BRAF: variants seen among roughly 807,000 people sequenced by gnomAD.
The protein encoded by BRAF is B-Raf proto-oncogene, serine/threonine kinase, also known as serine/threonine-protein kinase B-raf.
A neutral mutation model predicts 104.6 loss-of-function variants in BRAF; 16 were observed. The observed-to-expected ratio is 0.15, with a 90% CI of 0.10 to 0.23. The LOEUF is 0.23. BRAF is among the 10% of genes least tolerant of loss of function. The pLI is 1.00. For synonymous variants in BRAF, 310 were observed against 341.6 expected (o/e 0.91, Z 1.02); for missense variants, 541 against 937.3 (o/e 0.58, Z 5.52).
chr7:140,849,707 G>A (rs1477084263), intron 2 of BRAF, among the ~76,000 whole-genome samples: 1 of 152,136 alleles, frequency 6.6e-6, no homozygotes, highest in Non-Finnish European at 1.5e-5. Context: ...AGCTGCTCAG[G>A]AGGCTGAGGC....
At chr7:140,885,327 T>G (rs569755669) in intron 1 of BRAF, among the ~76,000 whole-genome samples, 1 of 150,344 alleles carries the variant, frequency 6.7e-6, no homozygotes, top group Non-Finnish European at 1.5e-5. Context: ...AAAAAAAAAA[T>G]TTTTTTTTTG....
chr7:140,816,064 TAC>T (rs1245942308), intron 3 of BRAF, among the ~76,000 whole-genome samples: 3 of 152,214 alleles, frequency 2.0e-5, no homozygotes, highest in African/African-American at 4.8e-5. Context: ...TGGCAAAGAA[TAC>T]AGTTTATTAG....
chr7:140,722,142 A>G lies in BRAF; in HGVS notation c.*4352T>C. 1.9e-6 allele frequency: 2 copies of G among 1,066,710 alleles called. No individual in the cohort carries two copies. Among genetic ancestry groups the G allele is most frequent in the Non-Finnish European group, 2.3e-6 (2 of 880,492 alleles). The allele number at this position is 1,066,710 out of a possible 1,614,324, so 66.1% of individuals were successfully genotyped here. A position where few individuals can be genotyped will look rare whatever the true frequency, so the allele number is the denominator to read the frequency against. On this transcript the variant is annotated 3_prime_UTR_variant, in exon 20 of 20. Transcript: ENST00000644969. ...TGGGAGTAGAAAAAGTTTCTCTAGA[A>G]ATGTCACTGAACTATATTTGCAACC...
rs1255101216 is a variant in BRAF at position 140,753,315 on chromosome 7, G to A, written c.1940C>T (p.Ser647Phe). Residue 647 changes from serine (S) to phenylalanine (F), a missense_variant, in exon 16 of 20, where the codon TCC becomes TTC. This residue lies in a region of BRAF where 129 missense variants were observed against 285.8 expected (regional missense o/e 0.45). Coordinates refer to ENST00000644969, the MANE Select transcript of BRAF (RefSeq NM_001374258.1). Reference protein sequence around the residue: ...LATVKSRWSGSHQFEQLSGSI... With the variant: ...LATVKSRWSGFHQFEQLSGSI... ...TCCAGACAACTGTTCAAACTGATGGGACCCACTCCATCGAGATTTCACTGT... is the reference window on the plus strand; with the variant it reads ...TCCAGACAACTGTTCAAACTGATGGAACCCACTCCATCGAGATTTCACTGT... 1 of 1,612,616 alleles carries A rather than the reference G, an allele frequency of 6.2e-7. No homozygotes were observed. The highest frequency in any genetic ancestry group is 8.5e-7 in the Non-Finnish European group (1 of 1,178,984).
chr7:140,730,261 T>C (rs567383547), intron 19 of BRAF, among the ~76,000 whole-genome samples: 2 of 152,144 alleles, frequency 1.3e-5, no homozygotes, highest in South Asian at 4.2e-4. Context: ...AGATACTCTA[T>C]GTCTTAAAAA....
chr7:140,862,305 T>C (rs1192667627), intron 1 of BRAF, among the ~76,000 whole-genome samples: 2 of 151,820 alleles, frequency 1.3e-5, no homozygotes, highest in East Asian at 1.9e-4. Context: ...CACAAAGAAA[T>C]GTCCCAGAAG....
At chr7:140,766,130 G>C (rs368069759) in intron 14 of BRAF, among the ~76,000 whole-genome samples, 1 of 152,178 alleles carries the variant, frequency 6.6e-6, no homozygotes, top group East Asian at 1.9e-4. Flanking sequence ...ATGAGTTCAT[G>C]TCCTTTGTAG....
chr7:140,919,011 C>T (rs991710679), intron 1 of BRAF, among the ~76,000 whole-genome samples: 2 of 151,884 alleles, frequency 1.3e-5, no homozygotes, highest in African/African-American at 2.4e-5. Flanking sequence ...TGGTGGCAGG[C>T]GCCTGTAGTC....
chr7:140,816,125 A>G, intron 3 of BRAF, among the ~76,000 whole-genome samples: 1 of 152,246 alleles, frequency 6.6e-6, no homozygotes, highest in Middle Eastern at 3.2e-3. Context: ...AAATTTAAAC[A>G]CAGTAATTTA....
At chr7:140,898,657 C>T (rs1815237181) in intron 1 of BRAF, among the ~76,000 whole-genome samples, 1 of 152,136 alleles carries the variant, frequency 6.6e-6, no homozygotes, top group Non-Finnish European at 1.5e-5. Flanking sequence ...AATAGCATTG[C>T]CAATTATCTT....
chr7:140,900,841 C>T (rs1225545730), intron 1 of BRAF, among the ~76,000 whole-genome samples: 2 of 152,190 alleles, frequency 1.3e-5, no homozygotes, highest in Non-Finnish European at 2.9e-5. Context: ...GAACTCCTGG[C>T]CTCAAGTGAT....
intron 1 of BRAF, among the ~76,000 whole-genome samples, chr7:140,922,226 T>C (rs1818303552): frequency 1.3e-5 from 2 of 152,196 alleles, no homozygotes; most frequent in Non-Finnish European, 2.9e-5. Context: ...TCCTTATAGT[T>C]TCAGAAGATA....
intron 14 of BRAF, among the ~76,000 whole-genome samples, chr7:140,755,281 C>T (rs897031393): frequency 6.6e-6 from 1 of 152,080 alleles, no homozygotes; most frequent in Non-Finnish European, 1.5e-5. Flanking sequence ...TAATTGAATA[C>T]CGGAGAGAAT....
At chr7:140,726,771 T>C (rs1053402204) in intron 19 of BRAF, among the ~76,000 whole-genome samples, 1 of 152,244 alleles carries the variant, frequency 6.6e-6, no homozygotes, top group African/African-American at 2.4e-5. Context: ...TTATGTATCA[T>C]GGTTCTGATC....
intron 18 of BRAF, among the ~76,000 whole-genome samples, chr7:140,738,454 G>C (rs1796623526): frequency 6.6e-6 from 1 of 152,026 alleles, no homozygotes; most frequent in Non-Finnish European, 1.5e-5. Flanking sequence ...ATGGTAGCAG[G>C]GTTACTATGG....
chr7:140,764,248 C>T (rs1229708646), intron 14 of BRAF, among the ~76,000 whole-genome samples: 10 of 151,388 alleles, frequency 6.6e-5, no homozygotes, highest in Non-Finnish European at 1.0e-4. Flanking sequence ...AATTCAACAA[C>T]CCTTCATGCT....
rs1257737892 is a variant in BRAF, at chr7:140,924,810, G to A, written c.-107C>T. 2.5e-6 allele frequency: 1 copy of A among 404,324 alleles called. No homozygotes were observed. Among genetic ancestry groups the A allele is most frequent in the Non-Finnish European group, 4.3e-6 (1 of 231,132 alleles). 25.0% of individuals were successfully genotyped at this position (404,324 alleles called of 1,614,324 possible). A position where few individuals can be genotyped will look rare whatever the true frequency, so the allele number is the denominator to read the frequency against. ...GCGGAGGCGGAGGCGGAGGAGCGGG[G>A]GGCGCGGGGGGCGCGGGGAGGAGCG... On this transcript the variant is annotated 5_prime_UTR_variant, in exon 1 of 20. Transcript: ENST00000644969. The surrounding 1 kb of genome is among the most constrained non-coding windows in gnomAD (Gnocchi z 4.2).
chr7:140,729,938 T>C (rs948042643), intron 19 of BRAF, among the ~76,000 whole-genome samples: 3 of 152,136 alleles, frequency 2.0e-5, no homozygotes, highest in African/African-American at 7.2e-5. Context: ...GCAAACACTA[T>C]CACTCTATCA....
chr7:140,906,619 T>C (rs541419079), intron 1 of BRAF, among the ~76,000 whole-genome samples: 1 of 152,348 alleles, frequency 6.6e-6, no homozygotes, highest in East Asian at 1.9e-4. Context: ...CTTTCTGCCT[T>C]AAGTATTAAT....
Sources: allele counts gnomAD v4.1 joint callset (sites outside exome capture counted in the v4.1 genomes callset), GRCh38; gene constraint gnomAD v4.1.1; regional missense constraint gnomAD v4.1.1; non-coding constraint Gnocchi (gnomAD v3.1); transcripts MANE v1.5; gene names NCBI Gene and HGNC (gene_info 2026-07-23, HGNC 2026-07-21).